Variants in CSMD3 observed in about 807,000 individuals in gnomAD.
CSMD3 encodes CUB and Sushi multiple domains 3.
CSMD3 carries 177 observed loss-of-function variants against 435.2 expected under a neutral mutation model. The ratio of observed to expected loss-of-function variants is 0.41; its 90% CI spans 0.36 to 0.46. The LOEUF is 0.46. CSMD3 is among the 20% of genes least tolerant of loss of function. CSMD3 has a pLI of 0.34. For missense variants in CSMD3, 4,265 were observed against 4,504.6 expected, an observed-to-expected ratio of 0.95 and a Z score of 1.52; for synonymous variants, 1,656 against 1,520.5, an observed-to-expected ratio of 1.09 and a Z score of -2.07.
At chr8:112,627,013 C>T (rs1834529262) in intron 22 of CSMD3, among the ~76,000 whole-genome samples, 1 of 152,070 alleles carries the variant, frequency 6.6e-6, no homozygotes, top group South Asian at 2.1e-4. Context: ...ACAGTAAACA[C>T]ACAGCAAATA....
chr8:112,226,432 A>C lies in CSMD3; in HGVS notation c.10965-1502T>G, dbSNP rs149603693. On this transcript the variant is annotated intron_variant, in intron 70 of 70. Transcript: ENST00000297405. ...ACACCATGAATAAAATTTAACTCAA[A>C]ATGAATCATAGCCCTAAACACAAGA... 3.0e-3 allele frequency among the ~76,000 whole-genome samples: 451 copies of C among 152,294 alleles called. 2 individuals are homozygous for C. Among genetic ancestry groups the C allele is most frequent in the African/African-American group, 0.01 (418 of 41,570 alleles).
intron 32 of CSMD3, among the ~76,000 whole-genome samples, chr8:112,422,839 A>C (rs367849500): frequency 3.3e-5 from 5 of 152,340 alleles, no homozygotes; most frequent in African/African-American, 9.6e-5. Flanking sequence ...AACAGCAAAA[A>C]CAAGTAACCT....
chr8:113,018,382 A>G lies in CSMD3; in HGVS notation c.1030+685T>C, dbSNP rs148525054. Among the ~76,000 whole-genome samples, 84 of 152,190 alleles carry G rather than the reference A, an allele frequency of 5.5e-4. No individual in the cohort carries two copies. The East Asian group carries it at 0.012, about 22-fold the overall frequency. On this transcript the variant is annotated intron_variant, in intron 6 of 70. Coordinates refer to ENST00000297405, the MANE Select transcript of CSMD3 (RefSeq NM_198123.2). ...ATTAAAAAAAACAAAAAACACAGAT[A>G]AATGGAAGAATGTAACTGTGGCAAT...
intron 59 of CSMD3, among the ~76,000 whole-genome samples, chr8:112,277,119 T>G (rs1818134372): frequency 6.6e-6 from 1 of 152,204 alleles, no homozygotes; most frequent in South Asian, 2.1e-4. Flanking sequence ...AGCTTGTATT[T>G]CTTCTCAGAA....
intron 22 of CSMD3, among the ~76,000 whole-genome samples, chr8:112,617,209 A>G (rs1313465742): frequency 6.6e-6 from 1 of 152,208 alleles, no homozygotes; most frequent in Non-Finnish European, 1.5e-5. Flanking sequence ...GATTATGTAT[A>G]GTTAGGTAAG....
chr8:113,341,774 A>G (rs2094120610), intron 1 of CSMD3, among the ~76,000 whole-genome samples: 1 of 152,168 alleles, frequency 6.6e-6, no homozygotes, highest in African/African-American at 2.4e-5. Flanking sequence ...GAGATTGTCC[A>G]AAGGATATTT....
intron 35 of CSMD3, among the ~76,000 whole-genome samples, chr8:112,393,461 C>T (rs1830609058): frequency 6.6e-6 from 1 of 152,150 alleles, no homozygotes; most frequent in Admixed American, 6.5e-5. Context: ...CAAATGTTTT[C>T]CTGTACAATT....
chr8:113,289,358 A>T (rs2093668549), intron 2 of CSMD3, among the ~76,000 whole-genome samples: 1 of 151,782 alleles, frequency 6.6e-6, no homozygotes. Flanking sequence ...CTTCAAGTAC[A>T]TGCTATTGTG....
chr8:112,749,878 A>G (rs887519822), intron 13 of CSMD3, among the ~76,000 whole-genome samples: 3 of 152,094 alleles, frequency 2.0e-5, no homozygotes, highest in Admixed American at 6.5e-5. Context: ...TCAGTCACAG[A>G]GAAGGATTGA....
intron 35 of CSMD3, among the ~76,000 whole-genome samples, chr8:112,403,398 T>G (rs563940211): frequency 6.6e-6 from 1 of 152,188 alleles, no homozygotes. Context: ...AATATGTATT[T>G]AAATTACTTA....
chr8:113,213,996 T>C (rs1272444017), intron 3 of CSMD3, among the ~76,000 whole-genome samples: 1 of 152,014 alleles, frequency 6.6e-6, no homozygotes, highest in Non-Finnish European at 1.5e-5. Flanking sequence ...CTCACAAGCA[T>C]ACAAGGAAAT....
chr8:112,535,421 A>G (rs1563672235), intron 27 of CSMD3, among the ~76,000 whole-genome samples: 1 of 151,552 alleles, frequency 6.6e-6, no homozygotes, highest in Non-Finnish European at 1.5e-5. Flanking sequence ...CCCATTCACA[A>G]TTGCTTCAAA....
intron 3 of CSMD3, among the ~76,000 whole-genome samples, chr8:113,210,747 G>A (rs1379571879): frequency 6.6e-6 from 1 of 151,832 alleles, no homozygotes; most frequent in African/African-American, 2.4e-5. Flanking sequence ...CATGGTAGCA[G>A]GGACCTGTAA....
chr8:112,777,662 T>G (rs573103172), intron 13 of CSMD3, among the ~76,000 whole-genome samples: 1 of 151,908 alleles, frequency 6.6e-6, no homozygotes, highest in South Asian at 2.1e-4. Context: ...AGAGACAATA[T>G]TCCATTTCCT....
intron 9 of CSMD3, among the ~76,000 whole-genome samples, chr8:112,926,643 G>T (rs1033029820): frequency 2.6e-5 from 4 of 151,962 alleles, no homozygotes; most frequent in African/African-American, 9.7e-5. Flanking sequence ...GAAGATATGA[G>T]GTTTTTCAAA....
At chr8:112,783,004 A>G (rs914528147) in intron 13 of CSMD3, among the ~76,000 whole-genome samples, 13 of 152,196 alleles carry the variant, frequency 8.5e-5, no homozygotes, top group Non-Finnish European at 1.3e-4. Context: ...ATATAAAGGT[A>G]AGACATTCAC....
chr8:112,398,868 T>C (rs902323179), intron 35 of CSMD3, among the ~76,000 whole-genome samples: 1 of 152,176 alleles, frequency 6.6e-6, no homozygotes, highest in African/African-American at 2.4e-5. Context: ...TAGCTTCTAC[T>C]GAGATTGTGA....
chr8:112,957,444 G>A (rs1432838391), intron 7 of CSMD3, among the ~76,000 whole-genome samples: 2 of 152,138 alleles, frequency 1.3e-5, no homozygotes, highest in Non-Finnish European at 2.9e-5. Flanking sequence ...TTTTGTTCAT[G>A]TCATATTTTT....
chr8:112,652,483 G>A (rs1297173868), intron 18 of CSMD3, among the ~76,000 whole-genome samples: 1 of 152,162 alleles, frequency 6.6e-6, no homozygotes, highest in Non-Finnish European at 1.5e-5. Flanking sequence ...AAAAGTGATT[G>A]TAATGCTTTT....
Sources: gnomAD v4.1 joint callset for allele counts (sites outside exome capture counted in the v4.1 genomes callset) on GRCh38, gnomAD v4.1.1 for gene constraint, MANE v1.5 for transcripts, NCBI Gene and HGNC (gene_info 2026-07-23, HGNC 2026-07-21) for gene names.